RECQL4: variants seen among roughly 807,000 people sequenced by gnomAD.
RECQL4 encodes the protein RecQ like helicase 4.
RECQL4 carries 158 observed loss-of-function variants against 128.6 expected under a neutral mutation model. The observed-to-expected ratio is 1.23, with a 90% CI of 1.08 to 1.40. The LOEUF (loss-of-function observed/expected upper bound fraction) is 1.40. Among genes scored for constraint, RECQL4 ranks in the 40% most tolerant of loss-of-function variants. The pLI, the probability that RECQL4 is intolerant of heterozygous loss-of-function variation, is 0.00. For synonymous variants in RECQL4, 996 were observed against 678.9 expected (o/e 1.47, Z -7.26); for missense variants, 2,293 against 1,649.8 (o/e 1.39, Z -6.75).
intron 3 of RECQL4, 65 bp downstream of exon 3, chr8:144,517,349 C>T (rs1473835144): frequency 1.3e-6 from 2 of 1,492,878 alleles, no homozygotes; most frequent in African/African-American, 1.4e-5. Flanking sequence ...GCCGCGACTC[C>T]GTGGCTCCCG....
At position 144,512,667 on chromosome 8, in the gene RECQL4, C is replaced by T. The variant is rs1564791493; in HGVS notation, c.2860G>A (p.Ala954Thr). Residue 954 changes from alanine to threonine, a missense_variant, in exon 16 of 21, where the codon GCC becomes ACC. By Grantham distance (58) the Ala-to-Thr change is moderately conservative (BLOSUM62 0). Transcript: ENST00000617875. ...HCRLNCPGGP[A>T]QLQALAHRCP... ...CTGTGGGCCAGGGCCTGGAGCTGGG[C>T]AGGGCCCCCAGGGCAGTTCAGACGG... The T allele has an allele frequency of 6.2e-7, 1 of 1,612,564 alleles. No individual in the cohort carries two copies. Among genetic ancestry groups the T allele is most frequent in the Non-Finnish European group, 8.5e-7 (1 of 1,179,796 alleles).
chr8:144,517,572 C>T (rs777174284), intron 2 of RECQL4, 30 bp downstream of exon 2: 81 of 1,485,670 alleles, frequency 5.5e-5, no homozygotes, highest in Non-Finnish European at 6.8e-5. Flanking sequence ...CCGGTGTCTT[C>T]TCGCCCCCGC....
chr8:144,516,253 GC>G lies in RECQL4; in HGVS notation c.865del (p.Ala289LeufsTer4), dbSNP rs1238821346. 13 of 1,612,534 alleles carry G rather than the reference GC, an allele frequency of 8.1e-6. No homozygotes were observed. Among genetic ancestry groups the G allele is most frequent in the Non-Finnish European group, 9.3e-6 (11 of 1,179,672 alleles). On this transcript the variant is annotated frameshift_variant, in exon 5 of 21. Coordinates refer to ENST00000617875, the MANE Select transcript of RECQL4 (RefSeq NM_004260.4). LOFTEE classifies it high-confidence loss of function. Reference sequence around the variant, plus strand: ...GTCTTCCTCAACTGCTACAGCCCCAGCCCCCTCCGATGGGGGTCCAGCTTGG... The same window carrying G: ...GTCTTCCTCAACTGCTACAGCCCCAGCCCCTCCGATGGGGGTCCAGCTTGG... The part of the protein sequence containing the change: ...SSQAGPPSEG[A>X]GAVAVEEDPP...
chr8:144,512,681 C>T lies in RECQL4; in HGVS notation c.2846G>A (p.Cys949Tyr), dbSNP rs370549048. 1.9e-6 allele frequency: 3 copies of T among 1,612,438 alleles called. No individual in the cohort carries two copies. Among genetic ancestry groups the T allele is most frequent in the African/African-American group, 1.3e-5 (1 of 74,948 alleles). Residue 949 changes from cysteine (C) to tyrosine (Y), a missense_variant, in exon 16 of 21, where the codon TGC (cysteine) becomes TAC (tyrosine). Physicochemically the swap from Cys to Tyr is radical, Grantham distance 194. Coordinates refer to ENST00000617875, the MANE Select transcript of RECQL4 (RefSeq NM_004260.4). ...CTGGAGCTGGGCAGGGCCCCCAGGG[C>T]AGTTCAGACGGCAATGGGTATAGGT... ...ATTYTHCRLNCPGGPAQLQAL... is the reference protein window; with the variant it reads ...ATTYTHCRLNYPGGPAQLQAL...
Position 144,517,460 on chromosome 8 carries a change from C to T in RECQL4, c.167G>A (p.Gly56Asp). The T allele has an allele frequency of 1.3e-6, 2 of 1,595,212 alleles. No homozygotes were observed. Among genetic ancestry groups the T allele is most frequent in the South Asian group, 1.1e-5 (1 of 89,300 alleles). ...CGACTCGGAGCTGCGGAGCCCGCCG[C>T]CGGCCTGGCCCGTGGTACGCTTCAG... ...RTLKRTTGQA[G>D]GGLRSSESLP... The change falls in exon 3 of 21, where the codon GGC becomes GAC. Residue 56 changes from glycine to aspartate, a missense_variant. By Grantham distance (94) the Gly-to-Asp change is moderately conservative. Transcript: ENST00000617875.
chr8:144,515,440 CTG>C lies in RECQL4; in HGVS notation c.1274_1275del (p.Thr425ArgfsTer6). 2.5e-6 allele frequency: 4 copies of C among 1,612,790 alleles called. No homozygotes were observed. The highest frequency in any genetic ancestry group is 1.3e-5 in the African/African-American group (1 of 75,060). ...QCPRPASEED[T>X]DAVGPEPLVP... ...ACCAGTGGCTCAGGCCCAACAGCATCTGTGTCTTCCTCACTTGCTGGGGCAGG... is the reference window on the plus strand; with the variant it reads ...ACCAGTGGCTCAGGCCCAACAGCATCTGTCTTCCTCACTTGCTGGGGCAGG... On this transcript the variant is annotated frameshift_variant, in exon 7 of 21. Transcript: ENST00000617875. LOFTEE classifies it high-confidence loss of function.
rs1489813654 is a variant in RECQL4, at chr8:144,516,212, C to G, written c.907G>C (p.Val303Leu). The change falls in exon 5 of 21, where the codon GTA (valine) becomes CTA (leucine). Residue 303 changes from valine to leucine, a missense_variant. Coordinates refer to ENST00000617875, the MANE Select transcript of RECQL4 (RefSeq NM_004260.4). Reference sequence around the variant, plus strand: ...CAGGGCTGAGGTGGCTGTGCCTGTACAGGTTCCCCTGGAGGGTCTTCCTCA... The same window carrying G: ...CAGGGCTGAGGTGGCTGTGCCTGTAGAGGTTCCCCTGGAGGGTCTTCCTCA... ...AVEEDPPGEP[V>L]QAQPPQPCSS... is the part of the protein sequence containing the mutation. The G allele has an allele frequency of 1.9e-6, 3 of 1,613,170 alleles. No homozygotes were observed. Among genetic ancestry groups the G allele is most frequent in the Non-Finnish European group, 1.7e-6 (2 of 1,179,862 alleles).
chr8:144,516,820 A>G (rs1381326569), intron 4 of RECQL4, 56 bp from the exon 5 acceptor site: 2 of 1,482,236 alleles, frequency 1.3e-6, no homozygotes, highest in East Asian at 2.3e-5. Flanking sequence ...GCTACTGTAG[A>G]CTCTAAAACC....
intron 9 of RECQL4, 52 bp from the exon 10 acceptor site, chr8:144,514,577 C>A (rs1053318783): frequency 5.2e-6 from 8 of 1,552,610 alleles, no homozygotes; most frequent in Admixed American, 3.6e-5. Flanking sequence ...CCTGGCCCTT[C>A]CCCAAGTCAT....
In RECQL4 at chr8:144,515,907, T is replaced by G. The variant is rs755123515; in HGVS notation, c.1132-17A>C. 6.2e-7 allele frequency: 1 copy of G among 1,612,564 alleles called. No individual in the cohort carries two copies. Among genetic ancestry groups the G allele is most frequent in the Non-Finnish European group, 8.5e-7 (1 of 1,179,724 alleles). ...CTTCCATGCCTGGGGGGTGCCCACATAGGAGGGTCACTGGGCGGGAAATAC... is the reference window on the plus strand; with the variant it reads ...CTTCCATGCCTGGGGGGTGCCCACAGAGGAGGGTCACTGGGCGGGAAATAC... On this transcript the variant is annotated splice_polypyrimidine_tract_variant and intron_variant, in intron 5 of 20. Transcript: ENST00000617875.
In RECQL4 at chr8:144,515,170, G is replaced by C; in HGVS notation, c.1463C>G (p.Ala488Gly). 1 of 1,564,910 alleles carries C rather than the reference G, an allele frequency of 6.4e-7. No individual in the cohort carries two copies. The highest frequency in any genetic ancestry group is 1.2e-5 in the South Asian group (1 of 85,430). ...CTCACCAGACAGGATCCGCATGACT[G>C]CACGCTCCTGCCCAGGGCGAAAGGC... is the stretch of plus-strand genomic sequence containing the variant. ...HQAFRPGQER[A>G]VMRILSGIST... Residue 488 changes from alanine (A) to glycine (G), a missense_variant, in exon 8 of 21, where the codon GCA (alanine) becomes GGA (glycine). By Grantham distance (60) the Ala-to-Gly change is moderately conservative. Coordinates refer to ENST00000617875, the MANE Select transcript of RECQL4 (RefSeq NM_004260.4).
chr8:144,513,206 G>C lies in RECQL4; in HGVS notation c.2463+12C>G, dbSNP rs775756916. On this transcript the variant is annotated intron_variant, in intron 14 of 20. Transcript: ENST00000617875. The stretch of plus-strand genomic sequence containing the variant: ...CTCGAGCACTGGCAGTGTGGGGGGG[G>C]GGGGTGCCAACCTGGGGCTGCAGGA... The C allele has an allele frequency of 1.3e-6, 2 of 1,563,752 alleles. No homozygotes were observed. The highest frequency in any genetic ancestry group is 1.7e-6 in the Non-Finnish European group (2 of 1,158,822).
chr8:144,513,889 G>A (rs989325897), intron 12 of RECQL4, 39 bp downstream of exon 12: 1 of 1,534,092 alleles, frequency 6.5e-7, no homozygotes, highest in Non-Finnish European at 8.8e-7. Context: ...GCAGTCAGCA[G>A]CCAGGGCCCT....
chr8:144,511,887 G>A (rs1296019232), intron 19 of RECQL4, 24 bp downstream of exon 19: 3 of 1,609,902 alleles, frequency 1.9e-6, no homozygotes, highest in East Asian at 2.2e-5. Context: ...ACCCCGATGA[G>A]CTGCCTGGCC....
rs771630323 is a variant in RECQL4 at position 144,512,909 on chromosome 8, A to G, written c.2693T>C (p.Met898Thr). ...QAAPGPRRVC[M>T]GHERALPIQL... is the part of the protein sequence containing the mutation. ...TATTGGGAGTGCCCGCTCATGGCCC[A>G]TGCAGACCCTTCTGGGTCCTGGGGC... The change falls in exon 15 of 21, where the codon ATG becomes ACG. Residue 898 changes from methionine (M) to threonine (T), a missense_variant. Met to Thr is a moderately conservative substitution (Grantham distance 81). Coordinates refer to ENST00000617875, the MANE Select transcript of RECQL4 (RefSeq NM_004260.4). 1.2e-5 allele frequency: 19 copies of G among 1,588,454 alleles called. No homozygotes were observed. The highest frequency in any genetic ancestry group is 1.3e-5 in the Non-Finnish European group (15 of 1,167,776).
At position 144,513,653 on chromosome 8, in the gene RECQL4, G is replaced by C. The variant is rs574326650; in HGVS notation, c.2118C>G (p.Tyr706Ter). 3 of 1,574,360 alleles carry C rather than the reference G, an allele frequency of 1.9e-6. No individual in the cohort carries two copies. The highest frequency in any genetic ancestry group is 1.3e-5 in the African/African-American group (1 of 74,144). Residue 706 changes from tyrosine to a stop codon, truncating the protein, a stop_gained, in exon 13 of 21, where the codon TAC becomes TAG. Coordinates refer to ENST00000617875, the MANE Select transcript of RECQL4 (RefSeq NM_004260.4). LOFTEE classifies it high-confidence loss of function. ...RFQNLDSIII[Y>*]CNRREDTERI... ...GCTCTGTGTCCTCGCGCCGGTTGCA[G>C]TAAATGATAATGGAATCGAGGTTTT... is the stretch of plus-strand genomic sequence containing the variant.
chr8:144,515,932 C>A, intron 5 of RECQL4, 42 bp from the exon 6 acceptor site: 2 of 1,612,198 alleles, frequency 1.2e-6, no homozygotes, highest in Middle Eastern at 1.7e-4. Context: ...GCGGGAAATA[C>A]GGGAGGGCTG....
rs1377154596 is a variant in RECQL4, at chr8:144,515,753, A to G, written c.1258+11T>C. ...GTTGGCCGGACCCACCCTCCAGGGC[A>G]GATGTCTCACCTGGCCGGGGACACT... On this transcript the variant is annotated intron_variant, in intron 6 of 20. Coordinates refer to ENST00000617875, the MANE Select transcript of RECQL4 (RefSeq NM_004260.4). 1.2e-6 allele frequency: 2 copies of G among 1,611,978 alleles called. No individual in the cohort carries two copies. Among genetic ancestry groups the G allele is most frequent in the Non-Finnish European group, 8.5e-7 (1 of 1,179,562 alleles).
chr8:144,513,143 A>C lies in RECQL4; in HGVS notation c.2464-5T>G. On this transcript the variant is annotated splice_polypyrimidine_tract_variant and splice_region_variant and intron_variant, in intron 14 of 20. Coordinates refer to ENST00000617875, the MANE Select transcript of RECQL4 (RefSeq NM_004260.4). ...CAGCTCTCGCAGGTCTTCGCCCTGC[A>C]GGGCAACTTTCATGAGGGTGGGGTG... 7.5e-7 allele frequency: 1 copy of C among 1,334,354 alleles called. No individual in the cohort carries two copies. The highest frequency in any genetic ancestry group is 9.8e-7 in the Non-Finnish European group (1 of 1,020,064). 82.7% of individuals were successfully genotyped at this position (1,334,354 alleles called of 1,614,324 possible).
Sources: allele counts gnomAD v4.1 joint callset, GRCh38; gene constraint gnomAD v4.1.1; transcripts MANE v1.5; gene names NCBI Gene and HGNC (gene_info 2026-07-23, HGNC 2026-07-21).